Variants in RPS12 observed in about 807,000 individuals in gnomAD.
RPS12 encodes the protein ribosomal protein S12, also known as small ribosomal subunit protein eS12.
In RPS12, 1 loss-of-function variant was observed where a neutral mutation model predicts 17.2. The observed-to-expected ratio is 0.06, with a 90% CI of 0.02 to 0.28. The LOEUF is 0.28. Among genes scored for constraint, RPS12 ranks in the 10% least tolerant of loss-of-function variants. The probability of loss-of-function intolerance (pLI) is 1.00; values close to 1 mark genes in which losing one functional copy is unlikely to be tolerated. For synonymous variants in RPS12, 67 were observed against 54.0 expected, an observed-to-expected ratio of 1.24 and a Z score of -1.06; for missense variants, 146 against 162.1, an observed-to-expected ratio of 0.90 and a Z score of 0.54.
At chr6:132,814,668 C>A in intron 1 of RPS12, 55 bp downstream of exon 1, 3 of 1,343,282 alleles carry the variant, frequency 2.2e-6, no homozygotes, top group Non-Finnish European at 3.2e-6. Flanking sequence ...TGGCTCGTTG[C>A]GTTCTTGCTG....
In RPS12 at chr6:132,816,994, G is replaced by A. The variant is rs1415834142; in HGVS notation, c.269G>A (p.Gly90Asp). 1.9e-6 allele frequency: 3 copies of A among 1,612,768 alleles called. No individual in the cohort carries two copies. The highest frequency in any genetic ancestry group is 2.7e-5 in the African/African-American group (2 of 74,822). ...DDNKKLGEWVGLCKIDREGKP... is the reference protein window; with the variant it reads ...DDNKKLGEWVDLCKIDREGKP... ...AACAAGAAACTAGGAGAATGGGTAG[G>A]CCTTTGTAAAATTGACAGAGAGGGG... Residue 90 changes from glycine (G) to aspartate (D), a missense_variant, in exon 5 of 6, where the codon GGC becomes GAC. Physicochemically the swap from Gly to Asp is moderately conservative, Grantham distance 94. Transcript: ENST00000230050.
chr6:132,817,101 G>T, intron 5 of RPS12, 40 bp downstream of exon 5: 1 of 1,227,382 alleles, frequency 8.1e-7, no homozygotes, highest in Non-Finnish European at 1.2e-6. Context: ...GTTATGCTGG[G>T]TAATCATATA....
intron 3 of RPS12, 56 bp downstream of exon 3, chr6:132,815,144 C>G (rs1033435562): frequency 8.9e-7 from 1 of 1,118,326 alleles, no homozygotes. Flanking sequence ...AAACTGCCAC[C>G]CAAGGGAAGA....
At chr6:132,815,354 G>T (rs1562280182) in intron 3 of RPS12, 2 of 635,166 alleles carry the variant, frequency 3.1e-6, no homozygotes, top group East Asian at 3.5e-5. Context: ...CTCCTTTTAT[G>T]AGTGAAACAT....
Position 132,816,465 on chromosome 6 carries a change from C to A in RPS12, c.136C>A (p.Gln46Lys). The change falls in exon 4 of 6, where the codon CAA (glutamine) becomes AAA (lysine). Residue 46 changes from glutamine (Q) to lysine (K), a missense_variant. This residue lies in a region of RPS12 where 117 missense variants were observed against 104.6 expected (regional missense o/e 1.12). Transcript: ENST00000230050. The stretch of plus-strand genomic sequence containing the variant: ...TCATTGTAATTTGAATTTCAGGCGC[C>A]AAGCCCATCTTTGTGTGCTTGCATC... ...REAAKALDKR[Q>K]AHLCVLASNC... The A allele has an allele frequency of 6.2e-7, 1 of 1,607,204 alleles. No individual in the cohort carries two copies. Among genetic ancestry groups the A allele is most frequent in the Non-Finnish European group, 8.5e-7 (1 of 1,176,430 alleles).
intron 3 of RPS12, chr6:132,815,942 A>G (rs1388131869): frequency 1.3e-5 from 6 of 452,810 alleles, no homozygotes; most frequent in Non-Finnish European, 2.6e-5. Context: ...GGTTCAAGCG[A>G]TTCTTCTGCC....
At chr6:132,816,700 A>G (rs1782069946) in intron 4 of RPS12, 137 bp downstream of exon 4, 3 of 779,730 alleles carry the variant, frequency 3.8e-6, no homozygotes, top group Non-Finnish European at 6.9e-6. Context: ...GCCATTTTAA[A>G]GATGATTGTA....
chr6:132,816,577 G>A lies in RPS12; in HGVS notation c.234+14G>A, dbSNP rs1046545411. The A allele has an allele frequency of 6.5e-6, 10 of 1,529,018 alleles. No homozygotes were observed. Among genetic ancestry groups the A allele is most frequent in the Non-Finnish European group, 9.0e-6 (10 of 1,115,346 alleles). 94.7% of individuals were successfully genotyped at this position (1,529,018 alleles called of 1,614,324 possible). A position where few individuals can be genotyped will look rare whatever the true frequency, so the allele number is the denominator to read the frequency against. On this transcript the variant is annotated intron_variant, in intron 4 of 5. Coordinates refer to ENST00000230050, the MANE Select transcript of RPS12 (RefSeq NM_001016.4). ...AACCTAATTAAGGTAAGGCTGCTAAGGATTGTGTTGGGACTAATGTTCAGT... is the reference window on the plus strand; with the variant it reads ...AACCTAATTAAGGTAAGGCTGCTAAAGATTGTGTTGGGACTAATGTTCAGT...
At chr6:132,814,817 G>A (rs200144332) in intron 2 of RPS12, 35 bp downstream of exon 2, 86 of 1,595,038 alleles carry the variant, frequency 5.4e-5, no homozygotes, top group Non-Finnish European at 6.8e-5. Context: ...GTTGGGGTCG[G>A]GGTGCGGCTG....
At chr6:132,815,459 T>TGCAAAACAA in intron 3 of RPS12, 1 of 461,752 alleles carries the variant, frequency 2.2e-6, no homozygotes. Context: ...TCTGGTAGTT[T>TGCAAAACAA]GCAAAACAAG....
intron 1 of RPS12, 29 bp downstream of exon 1, chr6:132,814,642 T>C (rs1010112087): frequency 9.9e-6 from 11 of 1,112,772 alleles, no homozygotes; most frequent in Non-Finnish European, 1.1e-5. Context: ...CAGGGGGGTG[T>C]ATTGGTTATA....
rs375363812 is a variant in RPS12, at chr6:132,817,037, T to C, written c.312T>C (p.Val104=). The change falls in exon 5 of 6, where the codon GTT becomes GTC. Residue 104 remains valine, a synonymous_variant. Transcript: ENST00000230050. ...GAGAGGGGAAACCCCGTAAAGTGGT[T>C]GGTTGCAGTTGTGTAGTAGTTAAGG... is the stretch of plus-strand genomic sequence containing the variant. ...IDREGKPRKV[V]GCSCVVVKDY... is the part of the protein sequence containing the mutation. 15 of 1,609,638 alleles carry C rather than the reference T, an allele frequency of 9.3e-6. No homozygotes were observed. Among genetic ancestry groups the C allele is most frequent in the Non-Finnish European group, 1.3e-5 (15 of 1,177,376 alleles).
At chr6:132,816,390 C>T (rs1227609220) in intron 3 of RPS12, 71 bp from the exon 4 acceptor site, 18 of 1,151,008 alleles carry the variant, frequency 1.6e-5, no homozygotes, top group Non-Finnish European at 2.1e-5. Flanking sequence ...AAAGATAACC[C>T]TCCTAAAATG....
chr6:132,814,839 T>C (rs1248059214), intron 2 of RPS12, 57 bp downstream of exon 2: 4 of 1,528,734 alleles, frequency 2.6e-6, no homozygotes, highest in Non-Finnish European at 2.7e-6. Flanking sequence ...GGCGTGGGGC[T>C]AGAGCTGGCG....
rs1159634712 is a variant in RPS12 at position 132,816,559 on chromosome 6, T to G, written c.230T>G (p.Ile77Ser). ...ALCAEHQINLIKVDDNKKLGE... is the reference protein window; with the variant it reads ...ALCAEHQINLSKVDDNKKLGE... ...TGTGCTGAACACCAAATCAACCTAA[T>G]TAAGGTAAGGCTGCTAAGGATTGTG... Residue 77 changes from isoleucine to serine, a missense_variant, in exon 4 of 6, where the codon ATT becomes AGT. By Grantham distance (142) the Ile-to-Ser change is moderately radical. Transcript: ENST00000230050. 6.3e-7 allele frequency: 1 copy of G among 1,590,630 alleles called. No individual in the cohort carries two copies. Among genetic ancestry groups the G allele is most frequent in the African/African-American group, 1.3e-5 (1 of 74,852 alleles).
chr6:132,816,200 A>G (rs912739955), intron 3 of RPS12: 1 of 547,536 alleles, frequency 1.8e-6, no homozygotes, highest in Non-Finnish European at 3.3e-6. Flanking sequence ...GGTTTTGGCC[A>G]GAAGTTTTAA....
intron 2 of RPS12, 62 bp from the exon 3 acceptor site, chr6:132,814,910 G>A: frequency 2.1e-6 from 3 of 1,398,146 alleles, no homozygotes; most frequent in Non-Finnish European, 2.0e-6. Flanking sequence ...AGCTTTTGCT[G>A]AGTGCAAGGC....
intron 4 of RPS12, 123 bp from the exon 5 acceptor site, chr6:132,816,837 C>T (rs1050334552): frequency 3.8e-6 from 3 of 790,278 alleles, no homozygotes; most frequent in Non-Finnish European, 6.8e-6. Flanking sequence ...CTCTACTGAA[C>T]TGCCATGAGG....
Position 132,814,575 on chromosome 6 carries a change from C to T in RPS12, c.-76C>T, listed in dbSNP as rs923585407. Reference sequence around the variant, plus strand: ...GCATGCGTGCGGATGAGGCCTCTTTCCCTGCCGCCGCCGAGTCGCGCGGAG... The same window carrying T: ...GCATGCGTGCGGATGAGGCCTCTTTTCCTGCCGCCGCCGAGTCGCGCGGAG... On this transcript the variant is annotated 5_prime_UTR_variant, in exon 1 of 6. Coordinates refer to ENST00000230050, the MANE Select transcript of RPS12 (RefSeq NM_001016.4). 1.1e-4 allele frequency: 80 copies of T among 744,744 alleles called. No individual in the cohort carries two copies. The highest frequency in any genetic ancestry group is 7.6e-5 in the Non-Finnish European group (32 of 422,142). 46.1% of individuals were successfully genotyped at this position (744,744 alleles called of 1,614,324 possible).
Sources: gnomAD v4.1 joint callset for allele counts on GRCh38, gnomAD v4.1.1 for gene constraint, gnomAD v4.1.1 regional missense constraint, MANE v1.5 for transcripts, NCBI Gene and HGNC (gene_info 2026-07-23, HGNC 2026-07-21) for gene names.